The following MORC1 variants were observed in gnomAD, a reference collection of about 807,000 sequenced individuals.
The protein encoded by MORC1 is MORC family CW-type zinc finger 1.
Under a neutral mutation model 134.9 loss-of-function variants are expected in MORC1, and 59 were observed. The observed-to-expected ratio is 0.44, with a 90% CI of 0.35 to 0.54. MORC1 has a LOEUF of 0.54. MORC1 is among the 20% of genes least tolerant of loss of function. The pLI, the probability that MORC1 is intolerant of heterozygous loss-of-function variation, is 0.00. For synonymous variants in MORC1, 395 were observed against 391.7 expected (o/e 1.01, Z -0.10); for missense variants, 947 against 1,134.5 (o/e 0.83, Z 2.37).
At chr3:109,006,742 T>C (rs1262820321) in intron 18 of MORC1, among the ~76,000 whole-genome samples, 1 of 152,158 alleles carries the variant, frequency 6.6e-6, no homozygotes, top group African/African-American at 2.4e-5. Flanking sequence ...AAAAAATATA[T>C]ATGTATATAT....
intron 26 of MORC1, among the ~76,000 whole-genome samples, chr3:108,966,549 G>A (rs1471170720): frequency 6.6e-6 from 1 of 152,072 alleles, no homozygotes. Context: ...TTAACTTCAA[G>A]GATTCTATCA....
At chr3:109,056,429 G>T (rs959223810) in intron 13 of MORC1, among the ~76,000 whole-genome samples, 1 of 152,034 alleles carries the variant, frequency 6.6e-6, no homozygotes, top group Admixed American at 6.6e-5. Flanking sequence ...GGGTTTCACC[G>T]TGCTAGCCAG....
At chr3:109,028,345 G>A (rs530924246) in intron 16 of MORC1, among the ~76,000 whole-genome samples, 1 of 152,146 alleles carries the variant, frequency 6.6e-6, no homozygotes, top group South Asian at 2.1e-4. Flanking sequence ...TCACTGTGAA[G>A]ACCCGTGACT....
chr3:109,040,240 G>A (rs1175664772), intron 14 of MORC1, among the ~76,000 whole-genome samples: 1 of 151,258 alleles, frequency 6.6e-6, no homozygotes, highest in East Asian at 1.9e-4. Context: ...AGGAAAGTAT[G>A]GCACATTCCA....
chr3:109,016,802 T>C (rs1385490311), intron 17 of MORC1, among the ~76,000 whole-genome samples: 8 of 151,948 alleles, frequency 5.3e-5, no homozygotes, highest in Non-Finnish European at 1.2e-4. Flanking sequence ...GAGGCGGAGG[T>C]TGCAGTGAGC....
In MORC1 at chr3:109,040,352, C is replaced by CAGAAAGAAAGAAAGAAAGAAAGAAAGAA. The variant is rs1553753581; in HGVS notation, c.1331-4885_1331-4884insTTCTTTCTTTCTTTCTTTCTTTCTTTCT. Among the ~76,000 whole-genome samples the CAGAAAGAAAGAAAGAAAGAAAGAAAGAA allele has an allele frequency of 1.2e-3, 43 of 35,946 alleles. 6 individuals carry two copies. The highest frequency in any genetic ancestry group is 2.4e-3 in the South Asian group (2 of 850). 23.6% of individuals were successfully genotyped at this position (35,946 alleles called of 152,430 possible). A position where few individuals can be genotyped will look rare whatever the true frequency, so the allele number is the denominator to read the frequency against. ...GACTGTCTCAAAGACACTCAAAGAA[C>CAGAAAGAAAGAAAGAAAGAAAGAAAGAA]TGAAAGAAAGAAAGAAAGAAAGAAA... is the stretch of plus-strand genomic sequence containing the variant. On this transcript the variant is annotated intron_variant, in intron 14 of 27. Transcript: ENST00000232603.
intron 21 of MORC1, among the ~76,000 whole-genome samples, chr3:108,997,070 C>A (rs1948254812): frequency 7.1e-6 from 1 of 140,636 alleles, no homozygotes; most frequent in South Asian, 2.3e-4. Flanking sequence ...AGAATATGAG[C>A]AGAAGTAACT....
chr3:109,049,451 C>T (rs1489364557), intron 14 of MORC1, among the ~76,000 whole-genome samples: 1 of 152,080 alleles, frequency 6.6e-6, no homozygotes, highest in Non-Finnish European at 1.5e-5. Context: ...TCCTATGCAA[C>T]AGGGTTTACA....
chr3:109,117,928 G>C (rs1425416094), intron 1 of MORC1, 67 bp downstream of exon 1: 7 of 1,325,098 alleles, frequency 5.3e-6, no homozygotes, highest in Non-Finnish European at 7.4e-6. Context: ...CTCAGGGGAC[G>C]GGCAAAACCT....
chr3:109,052,568 A>G (rs892044200), intron 14 of MORC1, among the ~76,000 whole-genome samples: 8 of 152,186 alleles, frequency 5.3e-5, no homozygotes, highest in African/African-American at 1.7e-4. Context: ...TTCCCCTTTC[A>G]TAATTTCCCA....
intron 14 of MORC1, among the ~76,000 whole-genome samples, chr3:109,043,502 A>G (rs1284045349): frequency 6.6e-6 from 1 of 152,308 alleles, no homozygotes; most frequent in Middle Eastern, 3.4e-3. Context: ...ACAGTTGTAC[A>G]GCATTTAAAT....
chr3:109,041,183 C>T (rs375634246), intron 14 of MORC1, among the ~76,000 whole-genome samples: 9 of 151,372 alleles, frequency 5.9e-5, no homozygotes, highest in South Asian at 2.1e-4. Flanking sequence ...TGGTGGCGGG[C>T]GCCTGTAGTC....
chr3:109,032,559 G>A (rs1184460684), intron 16 of MORC1, among the ~76,000 whole-genome samples, 161 bp downstream of exon 16: 4 of 152,192 alleles, frequency 2.6e-5, no homozygotes, highest in African/African-American at 4.8e-5. Flanking sequence ...GCACGCCAAT[G>A]AAATAATCTT....
At chr3:108,966,763 G>A (rs17652401) in intron 26 of MORC1, among the ~76,000 whole-genome samples, 20,380 of 152,106 alleles carry the variant, frequency 0.13, 1,768 homozygotes, top group Middle Eastern at 0.25. Context: ...TGTATTGGGA[G>A]AGTCGATAGG....
chr3:109,044,065 A>G (rs1252389394), intron 14 of MORC1, among the ~76,000 whole-genome samples: 1 of 152,254 alleles, frequency 6.6e-6, no homozygotes, highest in Non-Finnish European at 1.5e-5. Context: ...AGACTTTTGT[A>G]TGAAGAACCA....
chr3:109,108,209 A>G (rs1559957184), intron 3 of MORC1, among the ~76,000 whole-genome samples: 1 of 152,172 alleles, frequency 6.6e-6, no homozygotes, highest in Non-Finnish European at 1.5e-5. Context: ...GAGAAGTGCC[A>G]CTTTAATCTC....
chr3:109,007,227 G>T, intron 17 of MORC1, 136 bp from the exon 18 acceptor site: 1 of 615,250 alleles, frequency 1.6e-6, no homozygotes, highest in Non-Finnish European at 2.8e-6. Flanking sequence ...TGTTCAAGGA[G>T]TGCATTTAAG....
At chr3:109,030,131 C>A (rs188919988) in intron 16 of MORC1, among the ~76,000 whole-genome samples, 1 of 152,186 alleles carries the variant, frequency 6.6e-6, no homozygotes, top group Admixed American at 6.5e-5. Context: ...TAACTACTGA[C>A]AAGAAACCGT....
chr3:108,981,130 G>A (rs753390578), intron 23 of MORC1, among the ~76,000 whole-genome samples: 19 of 152,132 alleles, frequency 1.2e-4, no homozygotes, highest in African/African-American at 4.3e-4. Context: ...GGGGCAGTAC[G>A]ACATGGGAAA....
Sources: gnomAD v4.1 joint callset for allele counts (sites outside exome capture counted in the v4.1 genomes callset) on GRCh38, gnomAD v4.1.1 for gene constraint, MANE v1.5 for transcripts, NCBI Gene and HGNC (gene_info 2026-07-23, HGNC 2026-07-21) for gene names.